The following MFHAS1 variants were observed in gnomAD, a reference collection of about 807,000 sequenced individuals.
MFHAS1 encodes malignant fibrous histiocytoma-amplified sequence 1.
In MFHAS1, 50 loss-of-function variants were observed where a neutral mutation model predicts 70.4. The observed-to-expected ratio is 0.71, with a 90% CI of 0.57 to 0.90. The LOEUF (loss-of-function observed/expected upper bound fraction) is 0.90. Ranked by LOEUF, MFHAS1 falls within the 40% of genes least tolerant of loss-of-function variation. MFHAS1 has a pLI of 0.00. For missense variants in MFHAS1, 1,795 were observed against 1,347.6 expected (o/e 1.33, Z -5.20); for synonymous variants, 952 against 620.0 (o/e 1.54, Z -7.96).
chr8:8,883,434 G>A (rs995256986), intron 1 of MFHAS1, among the ~76,000 whole-genome samples: 7 of 150,914 alleles, frequency 4.6e-5, no homozygotes, highest in South Asian at 2.1e-4. Context: ...TGGGCCAGGC[G>A]CAGTGGCTCA....
chr8:8,836,088 G>A (rs192410266), intron 1 of MFHAS1, among the ~76,000 whole-genome samples: 2 of 152,324 alleles, frequency 1.3e-5, no homozygotes, highest in East Asian at 1.9e-4. Flanking sequence ...AAAACAACAT[G>A]CTGAACCATG....
intron 1 of MFHAS1, among the ~76,000 whole-genome samples, chr8:8,862,851 T>C (rs1252606498): frequency 6.6e-6 from 1 of 152,226 alleles, no homozygotes; most frequent in Non-Finnish European, 1.5e-5. Context: ...TCTCATGCCT[T>C]CTGTGCAATT....
At chr8:8,873,575 T>C (rs1355057782) in intron 1 of MFHAS1, among the ~76,000 whole-genome samples, 1 of 151,512 alleles carries the variant, frequency 6.6e-6, no homozygotes, top group Non-Finnish European at 1.5e-5. Context: ...GTGTGGGTAA[T>C]CTCTTAAATT....
intron 1 of MFHAS1, among the ~76,000 whole-genome samples, chr8:8,871,548 C>T (rs1214758776): frequency 1.3e-5 from 2 of 152,260 alleles, no homozygotes; most frequent in East Asian, 1.9e-4. Flanking sequence ...ATCACAAACA[C>T]GCAAACAAAG....
intron 1 of MFHAS1, among the ~76,000 whole-genome samples, chr8:8,820,308 G>A (rs1332424491): frequency 6.6e-6 from 1 of 151,772 alleles, no homozygotes; most frequent in East Asian, 1.9e-4. Context: ...CCCAGGATTA[G>A]ACTGCTGTGT....
intron 1 of MFHAS1, among the ~76,000 whole-genome samples, chr8:8,855,300 C>T (rs890667848): frequency 3.3e-5 from 5 of 152,116 alleles, no homozygotes; most frequent in South Asian, 2.1e-4. Flanking sequence ...TTAGGACAAG[C>T]GGAAAACAGA....
chr8:8,881,372 T>C (rs1006405085), intron 1 of MFHAS1, among the ~76,000 whole-genome samples: 1 of 152,224 alleles, frequency 6.6e-6, no homozygotes, highest in Non-Finnish European at 1.5e-5. Context: ...AGAGTACACA[T>C]GCAATCATCT....
intron 1 of MFHAS1, among the ~76,000 whole-genome samples, chr8:8,871,836 T>C (rs763725277): frequency 6.6e-6 from 1 of 152,298 alleles, no homozygotes; most frequent in South Asian, 2.1e-4. Flanking sequence ...ATACTGCTGA[T>C]AAAAGATGCA....
chr8:8,805,345 G>A (rs573117829), intron 1 of MFHAS1, among the ~76,000 whole-genome samples: 1 of 152,310 alleles, frequency 6.6e-6, no homozygotes, highest in South Asian at 2.1e-4. Flanking sequence ...TACCAATAAT[G>A]TAATCAGCTG....
intron 1 of MFHAS1, among the ~76,000 whole-genome samples, chr8:8,830,346 G>A (rs1007123414): frequency 1.3e-5 from 2 of 152,204 alleles, no homozygotes; most frequent in African/African-American, 4.8e-5. Flanking sequence ...TTATTATTAA[G>A]TGTCAGCCAC....
At chr8:8,827,950 C>T (rs1023125757) in intron 1 of MFHAS1, among the ~76,000 whole-genome samples, 2 of 151,700 alleles carry the variant, frequency 1.3e-5, no homozygotes, top group Non-Finnish European at 2.9e-5. Context: ...TTATTTTTAT[C>T]TAAGGAATGT....
At chr8:8,853,348 G>T (rs894035727) in intron 1 of MFHAS1, among the ~76,000 whole-genome samples, 1 of 151,014 alleles carries the variant, frequency 6.6e-6, no homozygotes, top group Non-Finnish European at 1.5e-5. Flanking sequence ...GGAGCAACCA[G>T]AAATAGCAGA....
chr8:8,811,382 A>C (rs541775128), intron 1 of MFHAS1, among the ~76,000 whole-genome samples: 103 of 151,906 alleles, frequency 6.8e-4, no homozygotes, highest in African/African-American at 2.4e-3. Context: ...ATCATAGCTC[A>C]CTGCAGTCTC....
At chr8:8,810,818 A>G (rs1209232245) in intron 1 of MFHAS1, among the ~76,000 whole-genome samples, 1 of 152,138 alleles carries the variant, frequency 6.6e-6, no homozygotes. Context: ...TCAAGGGTCA[A>G]GTGTACTTGC....
Position 8,783,539 on chromosome 8 carries a change from T to G in MFHAS1, c.*2483A>C, listed in dbSNP as rs948600259. 1 of 152,112 alleles carries G rather than the reference T, an allele frequency of 6.6e-6. No homozygotes were observed. Among genetic ancestry groups the G allele is most frequent in the Non-Finnish European group, 1.5e-5 (1 of 68,026 alleles). 9.4% of individuals were successfully genotyped at this position (152,112 alleles called of 1,614,324 possible). On this transcript the variant is annotated 3_prime_UTR_variant, in exon 3 of 3. Transcript: ENST00000276282. ...TTCAAAAGAGAGTCCAATACACAAG[T>G]GTCAAATATGAGCACTGTCATTTTT...
In MFHAS1 at chr8:8,890,895, G is replaced by C. The variant is rs930268059; in HGVS notation, c.2164C>G (p.Leu722Val). Residue 722 changes from leucine to valine, a missense_variant, in exon 1 of 3, where the codon CTC becomes GTC. Coordinates refer to ENST00000276282, the MANE Select transcript of MFHAS1 (RefSeq NM_004225.3). ...KLLYFEDSPA[L>V]KEHVFHNLTR... The stretch of plus-strand genomic sequence containing the variant: ...AGGTTGTGGAAGACGTGCTCCTTGA[G>C]AGCCGGACTGTCCTCAAAGTAGAGT... 6.2e-7 allele frequency: 1 copy of C among 1,614,126 alleles called. No homozygotes were observed. Among genetic ancestry groups the C allele is most frequent in the African/African-American group, 1.3e-5 (1 of 75,064 alleles).
chr8:8,880,748 A>G (rs381800), intron 1 of MFHAS1, among the ~76,000 whole-genome samples: 62,070 of 150,154 alleles, frequency 0.41, 13,068 homozygotes, highest in Middle Eastern at 0.46. Flanking sequence ...ATAGCGGCGC[A>G]ATCTCAGCTC....
intron 2 of MFHAS1, among the ~76,000 whole-genome samples, chr8:8,787,958 A>G (rs1048735054): frequency 2.0e-5 from 3 of 152,144 alleles, no homozygotes; most frequent in Non-Finnish European, 4.4e-5. Context: ...AAAATCACCA[A>G]CCTTCTCTGT....
Position 8,891,822 on chromosome 8 carries a change from G to A in MFHAS1, c.1237C>T (p.Leu413Phe), listed in dbSNP as rs760466647. 1 of 1,613,264 alleles carries A rather than the reference G, an allele frequency of 6.2e-7. No individual in the cohort carries two copies. The highest frequency in any genetic ancestry group is 1.1e-5 in the South Asian group (1 of 91,086). The change falls in exon 1 of 3, where the codon CTC becomes TTC. Residue 413 changes from leucine (L) to phenylalanine (F), a missense_variant. Coordinates refer to ENST00000276282, the MANE Select transcript of MFHAS1 (RefSeq NM_004225.3). The surrounding 1 kb of genome is among the most constrained non-coding windows in gnomAD (Gnocchi z 5.4). ...CCTGCAGCCTTATGCCCCATCAGGA[G>A]CAGCTTGAGCCGGGGCTGCACCGCC... ...QPAVQPRLKL[L>F]LMGHKAAGKT...
Sources: allele counts gnomAD v4.1 joint callset (sites outside exome capture counted in the v4.1 genomes callset), GRCh38; gene constraint gnomAD v4.1.1; non-coding constraint Gnocchi (gnomAD v3.1); transcripts MANE v1.5; gene names NCBI Gene and HGNC (gene_info 2026-07-23, HGNC 2026-07-21).